Variants in HS6ST2 observed in about 807,000 individuals in gnomAD.
HS6ST2 encodes heparan sulfate 6-O-sulfotransferase 2.
HS6ST2 carries 17 observed loss-of-function variants against 33.0 expected under a neutral mutation model. The ratio of observed to expected loss-of-function variants is 0.52; its 90% CI spans 0.35 to 0.77. The LOEUF is 0.77. Ranked by LOEUF, HS6ST2 falls within the 30% of genes least tolerant of loss-of-function variation. The pLI, the probability that HS6ST2 is intolerant of heterozygous loss-of-function variation, is 0.01. For missense variants in HS6ST2, 519 were observed against 551.7 expected (o/e 0.94, Z 0.59); for synonymous variants, 248 against 237.1 (o/e 1.05, Z -0.42).
chrX:132,714,172 A>G (rs1021481973), intron 2 of HS6ST2, among the ~76,000 whole-genome samples: 4 of 111,521 alleles, frequency 3.6e-5, no homozygotes, highest in Non-Finnish European at 7.5e-5. Flanking sequence ...AATAGAAATA[A>G]AAAACTGATA....
At chrX:132,823,815 A>G (rs1396475343) in intron 2 of HS6ST2, among the ~76,000 whole-genome samples, 1 of 105,230 alleles carries the variant, frequency 9.5e-6, no homozygotes, top group African/African-American at 3.5e-5. Flanking sequence ...CAATCACACC[A>G]CTGTACTCCA....
At chrX:132,778,408 T>C (rs189574461) in intron 2 of HS6ST2, among the ~76,000 whole-genome samples, 1,353 of 111,230 alleles carry the variant, frequency 0.012, 25 homozygotes, top group African/African-American at 0.042. Context: ...TTTTTTTGTT[T>C]TTTGTTTTTG....
intron 2 of HS6ST2, among the ~76,000 whole-genome samples, chrX:132,858,669 G>A (rs980165850): frequency 1.1e-4 from 12 of 112,035 alleles, no homozygotes; most frequent in Non-Finnish European, 1.9e-4. Context: ...TTTAGAAAAA[G>A]GGATTGTTTG....
rs180684937 is a variant in HS6ST2 at position 132,711,478 on chromosome X, C to T, written c.948-2984G>A. Among the ~76,000 whole-genome samples the T allele has an allele frequency of 2.7e-5, 3 of 111,610 alleles. No homozygotes were observed. In the East Asian group the frequency reaches 8.5e-4, roughly 31 times the overall value. ...ACTCATTTGATCTTGGGCAAATTCTCTTCTCCACTCTCCCAGTGGGCTGTA... is the reference window on the plus strand; with the variant it reads ...ACTCATTTGATCTTGGGCAAATTCTTTTCTCCACTCTCCCAGTGGGCTGTA... On this transcript the variant is annotated intron_variant, in intron 2 of 4. Coordinates refer to ENST00000370833, the MANE Select transcript of HS6ST2 (RefSeq NM_001394073.1).
intron 2 of HS6ST2, among the ~76,000 whole-genome samples, chrX:132,853,305 T>C (rs1406473299): frequency 1.0e-5 from 1 of 97,998 alleles, no homozygotes; most frequent in Non-Finnish European, 2.0e-5. Flanking sequence ...AGGCGTGTGC[T>C]AGGGTGCCTG....
chrX:132,676,734 G>A (rs1444830293), intron 3 of HS6ST2, among the ~76,000 whole-genome samples: 1 of 111,775 alleles, frequency 8.9e-6, no homozygotes. Flanking sequence ...GTTCCCAGAT[G>A]ACGGTAATGT....
chrX:132,654,383 G>A (rs1383743742), intron 4 of HS6ST2, among the ~76,000 whole-genome samples: 2 of 111,062 alleles, frequency 1.8e-5, no homozygotes, highest in Non-Finnish European at 3.8e-5. Context: ...AGAAAGGCAG[G>A]GACAAGCAGT....
At chrX:132,719,795 C>G (rs1193920162) in intron 2 of HS6ST2, among the ~76,000 whole-genome samples, 1 of 112,666 alleles carries the variant, frequency 8.9e-6, no homozygotes, top group East Asian at 2.8e-4. Flanking sequence ...ATGCCTGATT[C>G]TCACTTCCCA....
chrX:132,698,527 G>C (rs182644846), intron 3 of HS6ST2, among the ~76,000 whole-genome samples: 4 of 111,707 alleles, frequency 3.6e-5, no homozygotes, highest in Non-Finnish European at 1.9e-5. Flanking sequence ...TCACTAGTTA[G>C]TGTAGTATAT....
intron 4 of HS6ST2, among the ~76,000 whole-genome samples, chrX:132,656,027 TG>T (rs2063727659): frequency 9.0e-6 from 1 of 111,188 alleles, no homozygotes; most frequent in Non-Finnish European, 1.9e-5. Flanking sequence ...TTTAAGGAAA[TG>T]GAGTGGAAAT....
At chrX:132,730,959 T>A (rs1292815077) in intron 2 of HS6ST2, among the ~76,000 whole-genome samples, 1 of 112,024 alleles carries the variant, frequency 8.9e-6, no homozygotes, top group East Asian at 2.8e-4. Context: ...CTGCTTTAGT[T>A]AGCTGGGGAT....
At chrX:132,806,272 C>G (rs186627648) in intron 2 of HS6ST2, among the ~76,000 whole-genome samples, 1 of 110,461 alleles carries the variant, frequency 9.1e-6, no homozygotes, top group Non-Finnish European at 1.9e-5. Flanking sequence ...TCTGATCCCT[C>G]GAAGGCACAA....
chrX:132,683,647 C>T (rs1297677186), intron 3 of HS6ST2, among the ~76,000 whole-genome samples: 1 of 111,453 alleles, frequency 9.0e-6, no homozygotes, highest in Non-Finnish European at 1.9e-5. Flanking sequence ...CTCCCCATCC[C>T]CACTTGTTCT....
chrX:132,660,054 C>T lies in HS6ST2; in HGVS notation c.1067+9059G>A, dbSNP rs766956199. ...TTACAAGTTTCTTGCCTCCACGATT[C>T]CTTATACCTCTCCCCTGCTTTTTCC... On this transcript the variant is annotated intron_variant, in intron 4 of 4. Coordinates refer to ENST00000370833, the MANE Select transcript of HS6ST2 (RefSeq NM_001394073.1). Among the ~76,000 whole-genome samples, 3 of 111,438 alleles carry T rather than the reference C, an allele frequency of 2.7e-5. No homozygotes were observed. In the South Asian group the frequency reaches 1.1e-3, roughly 42 times the overall value.
chrX:132,655,043 C>G (rs2063720859), intron 4 of HS6ST2, among the ~76,000 whole-genome samples: 1 of 112,082 alleles, frequency 8.9e-6, no homozygotes, highest in Admixed American at 9.5e-5. Context: ...TGAATATCTT[C>G]TTTACTAGAA....
intron 2 of HS6ST2, among the ~76,000 whole-genome samples, chrX:132,763,149 A>G (rs772085490): frequency 8.9e-6 from 1 of 112,020 alleles, no homozygotes; most frequent in Non-Finnish European, 1.9e-5. Flanking sequence ...GCACCTCAGG[A>G]TGATGGAAAG....
chrX:132,768,519 T>C (rs1487159506), intron 2 of HS6ST2, among the ~76,000 whole-genome samples: 1 of 111,736 alleles, frequency 8.9e-6, no homozygotes, highest in Non-Finnish European at 1.9e-5. Flanking sequence ...CCTTAGTATC[T>C]GATGATCCTC....
intron 2 of HS6ST2, among the ~76,000 whole-genome samples, chrX:132,917,816 G>A (rs192065473): frequency 4.6e-4 from 51 of 111,645 alleles, no homozygotes; most frequent in Middle Eastern, 4.6e-3. Context: ...ATGTGTTTCC[G>A]CTTTAAGGTG....
intron 3 of HS6ST2, among the ~76,000 whole-genome samples, chrX:132,691,692 C>T (rs1031246987): frequency 6.2e-5 from 7 of 112,280 alleles, no homozygotes; most frequent in African/African-American, 2.3e-4. Context: ...CTACTTCTAA[C>T]ACATCATTGA....
Sources: gnomAD v4.1 joint callset for allele counts (sites outside exome capture counted in the v4.1 genomes callset) on GRCh38, gnomAD v4.1.1 for gene constraint, MANE v1.5 for transcripts, NCBI Gene and HGNC (gene_info 2026-07-23, HGNC 2026-07-21) for gene names.